The following SUPT3H variants were observed in gnomAD, a reference collection of about 807,000 sequenced individuals.
SUPT3H encodes SPT3 homolog, SAGA and STAGA complex component.
Under a neutral mutation model 44.3 loss-of-function variants are expected in SUPT3H, and 44 were observed. The ratio of observed to expected loss-of-function variants is 0.99; its 90% confidence interval spans 0.78 to 1.28. The LOEUF (loss-of-function observed/expected upper bound fraction) is 1.28, where lower values mean the gene tolerates loss of function less well. Among genes scored for constraint, SUPT3H ranks in the 50% most tolerant of loss-of-function variants. The probability of loss-of-function intolerance (pLI) is 0.00; values close to 1 mark genes in which losing one functional copy is unlikely to be tolerated. For missense variants in SUPT3H, 380 were observed against 387.1 expected (o/e 0.98, Z 0.15); for synonymous variants, 124 against 125.6 (o/e 0.99, Z 0.09).
intron 4 of SUPT3H, among the ~76,000 whole-genome samples, chr6:45,018,687 T>G (rs536987333): frequency 1.2e-4 from 18 of 152,212 alleles, no homozygotes; most frequent in South Asian, 4.2e-4. Flanking sequence ...TTGCATACCA[T>G]GGATGAAGCC....
chr6:45,156,101 A>C (rs1039592339), intron 2 of SUPT3H, among the ~76,000 whole-genome samples: 1 of 152,162 alleles, frequency 6.6e-6, no homozygotes, highest in Non-Finnish European at 1.5e-5. Flanking sequence ...TTGTCACAAA[A>C]AAACAGCCAA....
intron 3 of SUPT3H, among the ~76,000 whole-genome samples, chr6:45,034,533 G>A (rs1347716751): frequency 6.6e-6 from 1 of 152,156 alleles, no homozygotes; most frequent in Admixed American, 6.5e-5. Context: ...CTCTTTAAAA[G>A]TAGTTCTGTT....
At chr6:44,899,198 G>C (rs1052164635) in intron 10 of SUPT3H, 1 of 152,184 alleles carries the variant, frequency 6.6e-6, no homozygotes, top group Non-Finnish European at 1.5e-5. Flanking sequence ...ATGTCACTGA[G>C]TAGTGATGTA....
chr6:44,908,753 T>C, intron 10 of SUPT3H, among the ~76,000 whole-genome samples: 1 of 151,920 alleles, frequency 6.6e-6, no homozygotes, highest in African/African-American at 2.4e-5. Flanking sequence ...ATTCCTGACA[T>C]ATCAGACATG....
chr6:45,181,548 G>A (rs1813189820), intron 2 of SUPT3H, among the ~76,000 whole-genome samples: 1 of 151,828 alleles, frequency 6.6e-6, no homozygotes, highest in Admixed American at 6.6e-5. Flanking sequence ...AAAAAATGAT[G>A]AGTTCATGTC....
At chr6:45,004,984 G>A (rs115624695) in intron 5 of SUPT3H, among the ~76,000 whole-genome samples, 1,541 of 152,262 alleles carry the variant, frequency 0.01, 36 homozygotes, top group African/African-American at 0.035. Flanking sequence ...CAGGGGAAAT[G>A]CAGTAATGAA....
intron 10 of SUPT3H, among the ~76,000 whole-genome samples, chr6:44,883,595 G>A (rs1377132813): frequency 2.6e-5 from 4 of 152,042 alleles, no homozygotes; most frequent in Admixed American, 6.6e-5. Flanking sequence ...AAAGAACAAA[G>A]CTAGAGGTAT....
At chr6:44,816,989 A>G (rs1766957326) in intron 11 of SUPT3H, among the ~76,000 whole-genome samples, 1 of 152,154 alleles carries the variant, frequency 6.6e-6, no homozygotes, top group African/African-American at 2.4e-5. Flanking sequence ...TGAGCCCAGG[A>G]GTTCCAGGTT....
At chr6:45,264,286 C>T (rs543261992) in intron 2 of SUPT3H, among the ~76,000 whole-genome samples, 23 of 152,122 alleles carry the variant, frequency 1.5e-4, no homozygotes, top group Non-Finnish European at 4.4e-5. Context: ...TTTTTATATA[C>T]ATTTTTAATT....
intron 1 of SUPT3H, among the ~76,000 whole-genome samples, chr6:45,368,238 C>A (rs1795479119): frequency 6.6e-6 from 1 of 152,118 alleles, no homozygotes; most frequent in Non-Finnish European, 1.5e-5. Flanking sequence ...ATTATTTCAA[C>A]ATGCCAGAGT....
chr6:45,364,839 C>T (rs1794858229), intron 2 of SUPT3H, among the ~76,000 whole-genome samples: 1 of 152,134 alleles, frequency 6.6e-6, no homozygotes, highest in South Asian at 2.1e-4. Flanking sequence ...GAAAACATTT[C>T]AACTGTCCAA....
chr6:45,219,167 T>C (rs1295062177), intron 2 of SUPT3H, among the ~76,000 whole-genome samples: 2 of 151,954 alleles, frequency 1.3e-5, no homozygotes, highest in African/African-American at 4.8e-5. Context: ...CTTAAATAAA[T>C]GATCTAAGTT....
chr6:45,153,187 G>A (rs1807228493), intron 2 of SUPT3H, among the ~76,000 whole-genome samples: 1 of 151,964 alleles, frequency 6.6e-6, no homozygotes, highest in Admixed American at 6.6e-5. Flanking sequence ...TTTCTTCCTA[G>A]GACTTACCAC....
At chr6:44,984,380 T>C (rs574884926) in intron 6 of SUPT3H, among the ~76,000 whole-genome samples, 1 of 152,180 alleles carries the variant, frequency 6.6e-6, no homozygotes, top group African/African-American at 2.4e-5. Flanking sequence ...GAAGTGGAGA[T>C]CAGAAATAGT....
intron 10 of SUPT3H, among the ~76,000 whole-genome samples, chr6:44,893,881 G>C (rs11759854): frequency 0.3 from 39,484 of 133,556 alleles, 6,261 homozygotes; most frequent in East Asian, 0.51. Context: ...TCTCCAGCAC[G>C]TGTTGCTTCC....
intron 2 of SUPT3H, among the ~76,000 whole-genome samples, chr6:45,313,774 C>T (rs1784318378): frequency 1.3e-5 from 2 of 151,884 alleles, no homozygotes; most frequent in Admixed American, 1.3e-4. Flanking sequence ...AAGAGGGAAC[C>T]CTCACTAATC....
intron 2 of SUPT3H, among the ~76,000 whole-genome samples, chr6:45,218,646 A>C (rs1765482902): frequency 6.6e-6 from 1 of 152,240 alleles, no homozygotes; most frequent in Non-Finnish European, 1.5e-5. Flanking sequence ...AGGCAGGAGA[A>C]TCACTTGAAC....
intron 10 of SUPT3H, among the ~76,000 whole-genome samples, chr6:44,857,979 T>C (rs954909090): frequency 1.3e-5 from 2 of 152,186 alleles, no homozygotes; most frequent in Non-Finnish European, 1.5e-5. Flanking sequence ...CTGTTCTTCC[T>C]GGTTACTTTT....
At chr6:44,855,936 A>G (rs1773646073) in intron 10 of SUPT3H, among the ~76,000 whole-genome samples, 1 of 152,222 alleles carries the variant, frequency 6.6e-6, no homozygotes, top group African/African-American at 2.4e-5. Context: ...TCTCCAGGGA[A>G]GAATATGACT....
Sources: allele counts gnomAD v4.1 joint callset (sites outside exome capture counted in the v4.1 genomes callset), GRCh38; gene constraint gnomAD v4.1.1; transcripts MANE v1.5; gene names NCBI Gene and HGNC (gene_info 2026-07-23, HGNC 2026-07-21).